The following MAP3K5 variants were observed in gnomAD, a reference collection of about 807,000 sequenced individuals.
The protein encoded by MAP3K5 is mitogen-activated protein kinase kinase kinase 5, also known as ASK-1.
MAP3K5 carries 56 observed loss-of-function variants against 158.7 expected under a neutral mutation model. That is an observed-to-expected ratio of 0.35 (90% CI 0.28 to 0.44). The LOEUF is 0.44. Ranked by LOEUF, MAP3K5 falls within the 20% of genes least tolerant of loss-of-function variation. The pLI is 1.00. For missense variants in MAP3K5, 1,294 were observed against 1,674.8 expected, an observed-to-expected ratio of 0.77 and a Z score of 3.97; for synonymous variants, 579 against 601.7, an observed-to-expected ratio of 0.96 and a Z score of 0.55.
intron 2 of MAP3K5, among the ~76,000 whole-genome samples, chr6:136,715,809 T>C (rs1244272333): frequency 6.6e-6 from 1 of 151,876 alleles, no homozygotes; most frequent in Non-Finnish European, 1.5e-5. Flanking sequence ...CGGGGGCGGA[T>C]TGCTTGAGAT....
chr6:136,760,071 A>C (rs912558094), intron 1 of MAP3K5, among the ~76,000 whole-genome samples: 2 of 152,248 alleles, frequency 1.3e-5, no homozygotes, highest in African/African-American at 4.8e-5. Flanking sequence ...CAGACATCAA[A>C]GAAAGCAGGA....
intron 1 of MAP3K5, among the ~76,000 whole-genome samples, chr6:136,764,890 C>T (rs958735997): frequency 2.6e-5 from 4 of 152,172 alleles, no homozygotes; most frequent in Non-Finnish European, 5.9e-5. Context: ...GTTTGTCTCA[C>T]TGCATCTCAG....
At chr6:136,599,724 G>A (rs544069544) in intron 21 of MAP3K5, among the ~76,000 whole-genome samples, 11 of 152,254 alleles carry the variant, frequency 7.2e-5, no homozygotes, top group South Asian at 4.1e-4. Context: ...TACCAGCACC[G>A]AATGACAGAA....
At chr6:136,748,939 T>A (rs918702899) in intron 1 of MAP3K5, among the ~76,000 whole-genome samples, 1 of 152,254 alleles carries the variant, frequency 6.6e-6, no homozygotes, top group Non-Finnish European at 1.5e-5. Flanking sequence ...ACTCAGCATC[T>A]TTCAGATACA....
intron 25 of MAP3K5, among the ~76,000 whole-genome samples, chr6:136,572,887 A>G (rs1183517434): frequency 6.6e-6 from 1 of 152,220 alleles, no homozygotes; most frequent in Non-Finnish European, 1.5e-5. Flanking sequence ...GGGCAAATAC[A>G]CAGAAGAGCG....
At chr6:136,722,798 A>G (rs961969186) in intron 1 of MAP3K5, among the ~76,000 whole-genome samples, 2 of 150,764 alleles carry the variant, frequency 1.3e-5, no homozygotes, top group African/African-American at 4.9e-5. Context: ...GCGATCCTTC[A>G]GCCTCAGCCT....
intron 6 of MAP3K5, 111 bp downstream of exon 6, chr6:136,695,840 C>T (rs1780579961): frequency 7.1e-6 from 4 of 563,726 alleles, no homozygotes; most frequent in African/African-American, 3.8e-5. Context: ...GCTAATATTA[C>T]ATTTTAATAG....
chr6:136,677,085 C>T (rs1427035678), intron 7 of MAP3K5, among the ~76,000 whole-genome samples: 3 of 149,336 alleles, frequency 2.0e-5, no homozygotes, highest in South Asian at 2.1e-4. Context: ...CCACTGTGCC[C>T]GGCTCATTTT....
chr6:136,787,700 G>A (rs1264051523), intron 1 of MAP3K5, among the ~76,000 whole-genome samples: 2 of 152,160 alleles, frequency 1.3e-5, no homozygotes, highest in African/African-American at 4.8e-5. Context: ...TCTAACCCTG[G>A]TCAATTTTAC....
chr6:136,588,011 C>T (rs1320187918), intron 23 of MAP3K5, among the ~76,000 whole-genome samples: 1 of 152,160 alleles, frequency 6.6e-6, no homozygotes. Context: ...AACAAACTGG[C>T]ATTTCCTGTA....
upstream of MAP3K5, among the ~76,000 whole-genome samples, chr6:136,792,746 G>A (rs988091636): frequency 3.9e-5 from 6 of 152,196 alleles, no homozygotes; most frequent in Non-Finnish European, 7.4e-5. This position sits in a 1 kb window ranked among gnomAD's most constrained non-coding sequence, Gnocchi z 5.7. Context: ...TTCATCGGGT[G>A]GATTTCCTCC....
chr6:136,699,407 T>C (rs937881676), intron 3 of MAP3K5, among the ~76,000 whole-genome samples: 16 of 152,172 alleles, frequency 1.1e-4, no homozygotes, highest in Admixed American at 6.5e-5. Flanking sequence ...GCCATCAGAG[T>C]GATCTTTCAA....
At chr6:136,633,263 A>T (rs1045008122) in intron 14 of MAP3K5, among the ~76,000 whole-genome samples, 2 of 151,830 alleles carry the variant, frequency 1.3e-5, no homozygotes, top group African/African-American at 4.8e-5. Flanking sequence ...GCTGGGCATG[A>T]TGGTGGGCGT....
At chr6:136,572,503 C>T (rs750422508) in intron 25 of MAP3K5, among the ~76,000 whole-genome samples, 86 of 152,122 alleles carry the variant, frequency 5.7e-4, no homozygotes, top group Admixed American at 5.2e-3. Context: ...GTGATCTGCC[C>T]GCCTCGGCCT....
chr6:136,586,370 C>A (rs1775141992), intron 23 of MAP3K5, among the ~76,000 whole-genome samples: 1 of 152,180 alleles, frequency 6.6e-6, no homozygotes, highest in African/African-American at 2.4e-5. Flanking sequence ...GTTTTTACAA[C>A]AGAAAAACAT....
intron 2 of MAP3K5, among the ~76,000 whole-genome samples, chr6:136,718,381 T>C (rs1018496530): frequency 6.6e-6 from 1 of 152,160 alleles, no homozygotes; most frequent in African/African-American, 2.4e-5. Context: ...TTTTTGTATT[T>C]AGTAGAGACA....
At chr6:136,663,349 T>C (rs1779089112) in intron 8 of MAP3K5, among the ~76,000 whole-genome samples, 1 of 152,230 alleles carries the variant, frequency 6.6e-6, no homozygotes, top group African/African-American at 2.4e-5. Context: ...ATATTTCTGC[T>C]GAACCATTTC....
intron 14 of MAP3K5, among the ~76,000 whole-genome samples, chr6:136,629,504 G>T (rs751040341): frequency 2.0e-5 from 3 of 151,876 alleles, no homozygotes; most frequent in Non-Finnish European, 4.4e-5. Flanking sequence ...GCCCAGGCTG[G>T]AGTGCAGTGG....
Position 136,694,250 on chromosome 6 carries a change from G to T in MAP3K5, c.1143C>A (p.Ser381Arg), listed in dbSNP as rs773910034. ...ACATATCTGAAGCAACTTGTCCTTC[G>T]CTTTGCACCATGGGAATCATAATAT... ...ALDIMIPMVQ[S>R]EGQVASDMYC... Residue 381 changes from serine (S) to arginine (R), a missense_variant, in exon 7 of 30, where the codon AGC becomes AGA. By Grantham distance (110) the Ser-to-Arg change is moderately radical (BLOSUM62 -1). Transcript: ENST00000359015. 4.3e-6 allele frequency: 7 copies of T among 1,613,434 alleles called. No individual in the cohort carries two copies. The highest frequency in any genetic ancestry group is 2.2e-5 in the East Asian group (1 of 44,820).
Sources: gnomAD v4.1 joint callset for allele counts (sites outside exome capture counted in the v4.1 genomes callset) on GRCh38, gnomAD v4.1.1 for gene constraint, Gnocchi (gnomAD v3.1) non-coding constraint, MANE v1.5 for transcripts, NCBI Gene and HGNC (gene_info 2026-07-23, HGNC 2026-07-21) for gene names.